LDLRAD4: variants seen among roughly 807,000 people sequenced by gnomAD.
LDLRAD4 encodes low-density lipoprotein receptor class A domain-containing protein 4.
A neutral mutation model predicts 17.0 loss-of-function variants in LDLRAD4; 5 were observed. That is an observed-to-expected ratio of 0.29 (90% CI 0.15 to 0.62). The LOEUF (loss-of-function observed/expected upper bound fraction) is 0.62, where lower values mean the gene tolerates loss of function less well. LDLRAD4 is among the 20% of genes least tolerant of loss of function. The pLI, the probability that LDLRAD4 is intolerant of heterozygous loss-of-function variation, is 0.84. For missense variants in LDLRAD4, 340 were observed against 424.7 expected, an observed-to-expected ratio of 0.80 and a Z score of 1.75; for synonymous variants, 168 against 171.8, an observed-to-expected ratio of 0.98 and a Z score of 0.17.
At chr18:13,528,220 C>T (rs1411166881) in intron 3 of LDLRAD4, among the ~76,000 whole-genome samples, 1 of 152,220 alleles carries the variant, frequency 6.6e-6, no homozygotes, top group Admixed American at 6.5e-5. Flanking sequence ...ACTCCTAGCC[C>T]ACATCTGCCA....
At chr18:13,598,526 G>T (rs894326409) in intron 3 of LDLRAD4, among the ~76,000 whole-genome samples, 2 of 152,172 alleles carry the variant, frequency 1.3e-5, no homozygotes, top group African/African-American at 2.4e-5. Flanking sequence ...AGCCTTTGAG[G>T]TTTGTTCTGA....
chr18:13,227,755 C>T (rs2041883183), intron 1 of LDLRAD4, among the ~76,000 whole-genome samples: 1 of 152,100 alleles, frequency 6.6e-6, no homozygotes, highest in Admixed American at 6.5e-5. Flanking sequence ...AAGGAAAAGC[C>T]CTTTATAAAA....
chr18:13,650,616 GTCTTT>G (rs1005860812), exon 6 of LDLRAD4: 8 of 368,434 alleles, frequency 2.2e-5, no homozygotes, highest in African/African-American at 1.0e-4. Flanking sequence ...TCAGTTGTCT[GTCTTT>G]TCTTATGTTT....
At chr18:13,492,409 A>G (rs2093377963) in intron 3 of LDLRAD4, among the ~76,000 whole-genome samples, 2 of 152,238 alleles carry the variant, frequency 1.3e-5, no homozygotes, top group South Asian at 4.1e-4. Context: ...GAGTGGCTGC[A>G]GTATTAACAG....
intron 3 of LDLRAD4, among the ~76,000 whole-genome samples, chr18:13,543,845 A>G (rs1318634241): frequency 2.0e-5 from 3 of 152,244 alleles, no homozygotes; most frequent in East Asian, 1.9e-4. Flanking sequence ...ACGACCGCCA[A>G]CGGGGCTACC....
Position 13,321,861 on chromosome 18 carries a change from C to CAAAAAAAAAAAAAA in LDLRAD4, c.-383+43701_-383+43714dup, listed in dbSNP as rs57033432. Among the ~76,000 whole-genome samples the CAAAAAAAAAAAAAA allele has an allele frequency of 2.0e-3, 126 of 62,128 alleles. 2 individuals carry two copies. Among genetic ancestry groups the CAAAAAAAAAAAAAA allele is most frequent in the Non-Finnish European group, 2.8e-3 (99 of 35,792 alleles). 40.8% of individuals were successfully genotyped at this position (62,128 alleles called of 152,430 possible). On this transcript the variant is annotated intron_variant, in intron 1 of 5. Coordinates refer to ENST00000359446, the Ensembl canonical transcript of LDLRAD4. ...AGGCAACAACAGCGAGACTCCGTCT[C>CAAAAAAAAAAAAAA]AAAAAAAAAAAAAAAAAAAAAAAAA...
intron 1 of LDLRAD4, among the ~76,000 whole-genome samples, chr18:13,321,670 GC>G (rs2081226894): frequency 6.6e-6 from 1 of 151,904 alleles, no homozygotes; most frequent in African/African-American, 2.4e-5. Context: ...GTTTGACCTG[GC>G]CAACATGGTG....
intron 3 of LDLRAD4, among the ~76,000 whole-genome samples, chr18:13,439,324 T>G (rs1322796629): frequency 6.6e-6 from 1 of 152,226 alleles, no homozygotes; most frequent in African/African-American, 2.4e-5. Context: ...CCTACTGTAT[T>G]TTTATATGGG....
chr18:13,461,492 C>G (rs2146569996), intron 3 of LDLRAD4: 1 of 152,308 alleles, frequency 6.6e-6, no homozygotes, highest in African/African-American at 2.4e-5. Flanking sequence ...ACAAAACACA[C>G]AAACAAAGCA....
At chr18:13,616,890 C>T (rs1027518809) in intron 3 of LDLRAD4, among the ~76,000 whole-genome samples, 43 of 152,298 alleles carry the variant, frequency 2.8e-4, no homozygotes, top group Admixed American at 5.2e-4. Flanking sequence ...ACTTGACCTG[C>T]CCCAGGCACC....
chr18:13,226,893 G>T (rs1312398450), intron 1 of LDLRAD4, among the ~76,000 whole-genome samples: 2 of 152,104 alleles, frequency 1.3e-5, no homozygotes, highest in Non-Finnish European at 2.9e-5. Flanking sequence ...CTCTTTAGGG[G>T]TAGCCTTGAA....
chr18:13,312,196 G>A lies in LDLRAD4; in HGVS notation c.-383+34008G>A, dbSNP rs572137804. On this transcript the variant is annotated intron_variant, in intron 1 of 5. Coordinates refer to ENST00000359446, the Ensembl canonical transcript of LDLRAD4. ...GAATTCCACAGCTGACCATGGTGCCGGGTGGCAGTTTAAACTTCATTTCAT... is the reference window on the plus strand; with the variant it reads ...GAATTCCACAGCTGACCATGGTGCCAGGTGGCAGTTTAAACTTCATTTCAT... 1.2e-4 allele frequency among the ~76,000 whole-genome samples: 19 copies of A among 152,186 alleles called. No homozygotes were observed. In the East Asian group the frequency reaches 2.5e-3, roughly 20 times the overall value.
intron 3 of LDLRAD4, among the ~76,000 whole-genome samples, chr18:13,473,887 GCT>G (rs1219073023): frequency 6.6e-6 from 1 of 151,524 alleles, no homozygotes; most frequent in Non-Finnish European, 1.5e-5. Flanking sequence ...ATGTGGTTTG[GCT>G]CTGTGTCCCA....
At chr18:13,284,932 AGGGAGGGGCGTCCTTTG>A (rs570726784) in intron 1 of LDLRAD4, among the ~76,000 whole-genome samples, 37 of 152,294 alleles carry the variant, frequency 2.4e-4, no homozygotes, top group South Asian at 1.7e-3. Context: ...GGGCAGTCGC[AGGGAGGGGCGTCCTTTG>A]GGGATGTGGC....
rs113608934 is a variant in LDLRAD4 at position 13,613,134 on chromosome 18, C to A, written c.182-7983C>A. The A allele has an allele frequency of 3.4e-3, 622 of 181,642 alleles. 1 individual carries two copies. The highest frequency in any genetic ancestry group is 0.014 in the African/African-American group (597 of 42,334). 11.3% of individuals were successfully genotyped at this position (181,642 alleles called of 1,614,324 possible). A position where few individuals can be genotyped will look rare whatever the true frequency, so the allele number is the denominator to read the frequency against. On this transcript the variant is annotated intron_variant, in intron 3 of 5. Transcript: ENST00000359446. Reference sequence around the variant, plus strand: ...CTTGTTAATAATTCCTTTTTCTTCACCCTCATGAGCTGAAAACTGCATTTT... The same window carrying A: ...CTTGTTAATAATTCCTTTTTCTTCAACCTCATGAGCTGAAAACTGCATTTT...
chr18:13,237,603 C>T (rs2042399680), intron 1 of LDLRAD4, among the ~76,000 whole-genome samples: 1 of 152,160 alleles, frequency 6.6e-6, no homozygotes, highest in African/African-American at 2.4e-5. Context: ...GATTCTTGTT[C>T]CTAGCTCGGT....
intron 3 of LDLRAD4, among the ~76,000 whole-genome samples, chr18:13,495,912 C>T (rs1256342140): frequency 1.3e-5 from 2 of 152,214 alleles, no homozygotes; most frequent in Admixed American, 1.3e-4. Context: ...CGGCCTCCAG[C>T]TGCCGGGCCC....
intron 2 of LDLRAD4, among the ~76,000 whole-genome samples, chr18:13,402,211 C>T (rs1213560239): frequency 2.0e-5 from 3 of 152,164 alleles, no homozygotes; most frequent in African/African-American, 7.2e-5. Context: ...TGTTTGTGCC[C>T]CTGGGTGAGT....
chr18:13,341,214 G>C (rs756788774), intron 1 of LDLRAD4, among the ~76,000 whole-genome samples: 2 of 151,420 alleles, frequency 1.3e-5, no homozygotes, highest in Non-Finnish European at 2.9e-5. Context: ...GGCTATTTAG[G>C]GTCCTTTGAT....
Sources: allele counts gnomAD v4.1 joint callset (sites outside exome capture counted in the v4.1 genomes callset), GRCh38; gene constraint gnomAD v4.1.1; transcripts MANE v1.5; gene names NCBI Gene and HGNC (gene_info 2026-07-23, HGNC 2026-07-21).